Variants in DOCK10 observed in about 807,000 individuals in gnomAD.
The protein encoded by DOCK10 is dedicator of cytokinesis 10.
A neutral mutation model predicts 280.1 loss-of-function variants in DOCK10; 145 were observed. The ratio of observed to expected loss-of-function variants is 0.52; its 90% CI spans 0.45 to 0.59. The LOEUF (loss-of-function observed/expected upper bound fraction) is 0.59, where lower values mean the gene tolerates loss of function less well. Ranked by LOEUF, DOCK10 falls within the 20% of genes least tolerant of loss-of-function variation. The pLI, the probability that DOCK10 is intolerant of heterozygous loss-of-function variation, is 0.00. For synonymous variants in DOCK10, 915 were observed against 942.2 expected (o/e 0.97, Z 0.53); for missense variants, 2,368 against 2,651.7 (o/e 0.89, Z 2.35).
chr2:224,946,950 A>G (rs762525031), intron 1 of DOCK10: 2 of 1,540,718 alleles, frequency 1.3e-6, no homozygotes, highest in South Asian at 2.4e-5. Context: ...TCGAAAACTC[A>G]TCGTATTGCT....
chr2:224,931,434 C>A (rs9808089), intron 2 of DOCK10, 115 bp downstream of exon 2: 307,318 of 1,163,370 alleles, frequency 0.26, 42,817 homozygotes, highest in Admixed American at 0.28. Context: ...GCTGCAGAGA[C>A]TGAGATGTAG....
In DOCK10 at chr2:224,882,744, C is replaced by T. The variant is rs139842622; in HGVS notation, c.747+2927G>A. ...GATTCTTCATAAAACTGGTCTGATT[C>T]ATCCTAGTTATTCATTTGCTCTGTG... On this transcript the variant is annotated intron_variant, in intron 7 of 55. Transcript: ENST00000258390. Among the ~76,000 whole-genome samples the T allele has an allele frequency of 3.3e-3, 496 of 152,286 alleles. 1 individual carries two copies. The highest frequency in any genetic ancestry group is 0.011 in the African/African-American group (454 of 41,548).
intron 47 of DOCK10, among the ~76,000 whole-genome samples, chr2:224,790,246 T>A (rs11883754): frequency 0.026 from 4,010 of 152,296 alleles, 152 homozygotes; most frequent in African/African-American, 0.089. Context: ...TTGTGGGGAA[T>A]GTGAGTGACT....
intron 1 of DOCK10, among the ~76,000 whole-genome samples, chr2:224,958,677 TAAA>T (rs879270883): frequency 6.9e-6 from 1 of 145,180 alleles, no homozygotes; most frequent in Non-Finnish European, 1.5e-5. Context: ...ATCATATGTT[TAAA>T]AAAAAAAAAG....
At chr2:224,888,810 A>G (rs993543739) in intron 4 of DOCK10, among the ~76,000 whole-genome samples, 1 of 140,094 alleles carries the variant, frequency 7.1e-6, no homozygotes, top group Non-Finnish European at 1.5e-5. Flanking sequence ...GTGAATATAT[A>G]TGTGTGTATG....
intron 2 of DOCK10, among the ~76,000 whole-genome samples, chr2:224,924,692 C>T (rs1012938709): frequency 1.3e-5 from 2 of 152,160 alleles, no homozygotes; most frequent in African/African-American, 4.8e-5. Flanking sequence ...TGTGGACATA[C>T]ATTCTTAGCA....
chr2:225,033,899 T>C (rs1575177238), intron 1 of DOCK10, among the ~76,000 whole-genome samples: 1 of 152,336 alleles, frequency 6.6e-6, no homozygotes, highest in Middle Eastern at 3.4e-3. Flanking sequence ...AATCAAATAA[T>C]GCCCCTTTCA....
chr2:224,955,530 C>T (rs1238259639), intron 1 of DOCK10, among the ~76,000 whole-genome samples: 1 of 152,326 alleles, frequency 6.6e-6, no homozygotes, highest in East Asian at 1.9e-4. Flanking sequence ...CCAGTCGACT[C>T]CACAAACCAC....
At chr2:224,985,635 A>G (rs369964920) in intron 1 of DOCK10, among the ~76,000 whole-genome samples, 1 of 151,618 alleles carries the variant, frequency 6.6e-6, no homozygotes, top group Non-Finnish European at 1.5e-5. Flanking sequence ...AGGAGGAAAA[A>G]AAAAAAGAGA....
At chr2:224,838,026 G>A (rs1043642181) in intron 24 of DOCK10, among the ~76,000 whole-genome samples, 195 bp from the exon 25 acceptor site, 3 of 152,114 alleles carry the variant, frequency 2.0e-5, no homozygotes, top group African/African-American at 7.2e-5. Context: ...GCATCAATGA[G>A]CCATTTCCAT....
intron 2 of DOCK10, among the ~76,000 whole-genome samples, chr2:224,927,742 A>G (rs1234673782): frequency 6.6e-6 from 1 of 152,186 alleles, no homozygotes; most frequent in Admixed American, 6.5e-5. Flanking sequence ...TCACTAGTCT[A>G]GGAAGTGCTG....
chr2:224,978,593 A>G (rs1167922314), intron 1 of DOCK10, among the ~76,000 whole-genome samples: 1 of 152,238 alleles, frequency 6.6e-6, no homozygotes, highest in Non-Finnish European at 1.5e-5. Flanking sequence ...TATACATTCA[A>G]GTAAATAGGC....
At chr2:224,931,715 C>T (rs1182702764) in intron 1 of DOCK10, 47 bp from the exon 2 acceptor site, 1 of 1,528,162 alleles carries the variant, frequency 6.5e-7, no homozygotes, top group South Asian at 1.2e-5. Flanking sequence ...TACACCATCT[C>T]CCTTTTCTAT....
At chr2:224,925,780 A>AG (rs1702015254) in intron 2 of DOCK10, among the ~76,000 whole-genome samples, 2 of 152,228 alleles carry the variant, frequency 1.3e-5, no homozygotes, top group Non-Finnish European at 2.9e-5. Flanking sequence ...ATCCCATCTC[A>AG]GGCTTTCTAC....
At chr2:224,871,463 T>C (rs1366908474) in intron 11 of DOCK10, among the ~76,000 whole-genome samples, 2 of 152,190 alleles carry the variant, frequency 1.3e-5, no homozygotes, top group Non-Finnish European at 2.9e-5. Context: ...GGTAGTAGCC[T>C]CCTAATTCTT....
chr2:224,814,041 G>A (rs1693962209), intron 31 of DOCK10, among the ~76,000 whole-genome samples: 1 of 152,028 alleles, frequency 6.6e-6, no homozygotes, highest in Non-Finnish European at 1.5e-5. Flanking sequence ...TATATATCTG[G>A]GAATTTCATT....
chr2:224,789,521 A>T (rs1691999091), intron 47 of DOCK10, among the ~76,000 whole-genome samples: 1 of 152,148 alleles, frequency 6.6e-6, no homozygotes, highest in African/African-American at 2.4e-5. Context: ...CTCTCAAAGG[A>T]TGTTGAAAGG....
intron 14 of DOCK10, among the ~76,000 whole-genome samples, chr2:224,859,981 C>T (rs1475628192): frequency 6.6e-6 from 1 of 152,180 alleles, no homozygotes; most frequent in Non-Finnish European, 1.5e-5. Context: ...TAGAATTGTG[C>T]TGCTAACTAT....
At chr2:224,966,071 T>C (rs1704723967) in intron 1 of DOCK10, among the ~76,000 whole-genome samples, 1 of 152,232 alleles carries the variant, frequency 6.6e-6, no homozygotes, top group South Asian at 2.1e-4. Context: ...TGGAACTAAT[T>C]GATTAACGTT....
Sources: gnomAD v4.1 joint callset for allele counts (sites outside exome capture counted in the v4.1 genomes callset) on GRCh38, gnomAD v4.1.1 for gene constraint, MANE v1.5 for transcripts, NCBI Gene and HGNC (gene_info 2026-07-23, HGNC 2026-07-21) for gene names.